The following ROS1 variants were observed in gnomAD, a reference collection of about 807,000 sequenced individuals.
ROS1 encodes proto-oncogene tyrosine-protein kinase ROS.
A neutral mutation model predicts 273.5 loss-of-function variants in ROS1; 263 were observed. The ratio of observed to expected loss-of-function variants is 0.96; its 90% confidence interval spans 0.87 to 1.06. The LOEUF is 1.06. Among genes scored for constraint, ROS1 ranks in the 50% least tolerant of loss-of-function variants. ROS1 has a pLI of 0.00. For synonymous variants in ROS1, 1,008 were observed against 954.1 expected, an observed-to-expected ratio of 1.06 and a Z score of -1.04; for missense variants, 2,833 against 2,751.1, an observed-to-expected ratio of 1.03 and a Z score of -0.67.
intron 37 of ROS1, 23 bp from the exon 38 acceptor site, chr6:117,318,275 A>G (rs1776058281): frequency 6.3e-7 from 1 of 1,581,318 alleles, no homozygotes; most frequent in African/African-American, 1.3e-5. Flanking sequence ...AAAACAAGTC[A>G]GGAATCAGTA....
chr6:117,352,464 A>AT (rs200157417), intron 27 of ROS1, among the ~76,000 whole-genome samples: 6 of 150,030 alleles, frequency 4.0e-5, no homozygotes, highest in South Asian at 2.1e-4. Context: ...CATCAGTGAC[A>AT]TTTTTTTTAA....
chr6:117,298,168 T>C (rs1000771417), intron 43 of ROS1, among the ~76,000 whole-genome samples: 2 of 144,712 alleles, frequency 1.4e-5, no homozygotes, highest in Admixed American at 6.8e-5. Context: ...AAACAATGTG[T>C]ACACATAGAC....
chr6:117,376,768 A>T (rs962839780), intron 18 of ROS1, among the ~76,000 whole-genome samples: 37 of 152,220 alleles, frequency 2.4e-4, no homozygotes, highest in Non-Finnish European at 4.4e-4. Flanking sequence ...AAGAAAACCT[A>T]AAAAAATGGA....
rs1483811842 is a variant in ROS1, at chr6:117,394,692, T to C, written c.930A>G (p.Leu310=). Residue 310 remains leucine (L), a synonymous_variant, in exon 10 of 44, where the codon CTA becomes CTG. Coordinates refer to ENST00000368507, the MANE Select transcript of ROS1 (RefSeq NM_001378902.1). Reference sequence around the variant, plus strand: ...CTAAATGTTTTAAAGATCTCTTTCTTAGAGAAGTTTTTCTGGATAAAAAGA... The same window carrying C: ...CTAAATGTTTTAAAGATCTCTTTCTCAGAGAAGTTTTTCTGGATAAAAAGA... ...QWLFLSRKTS[L]RKRSLKHLVD... is the part of the protein sequence containing the mutation. The C allele has an allele frequency of 1.9e-6, 3 of 1,612,286 alleles. No individual in the cohort carries two copies. Among genetic ancestry groups the C allele is most frequent in the Non-Finnish European group, 1.7e-6 (2 of 1,178,922 alleles).
chr6:117,389,272 G>A, intron 13 of ROS1, 78 bp downstream of exon 13: 6 of 1,483,388 alleles, frequency 4.0e-6, no homozygotes, highest in Non-Finnish European at 4.5e-6. Flanking sequence ...TCTCAAAATT[G>A]AATCACAACG....
chr6:117,332,705 A>G (rs1198632067), intron 32 of ROS1, among the ~76,000 whole-genome samples: 1 of 152,164 alleles, frequency 6.6e-6, no homozygotes, highest in African/African-American at 2.4e-5. Flanking sequence ...TCAAAACCAC[A>G]CAATTTCCTG....
Position 117,389,784 on chromosome 6 carries a change from C to T in ROS1, c.1352G>A (p.Arg451Gln), listed in dbSNP as rs767371570. 31 of 1,613,966 alleles carry T rather than the reference C, an allele frequency of 1.9e-5. No homozygotes were observed. Among genetic ancestry groups the T allele is most frequent in the South Asian group, 8.8e-5 (8 of 91,086 alleles). ...CACAATACGCACAGCTTCTGCACACCGGCCAGATGGTACAGGAAGGTCTGC... is the reference window on the plus strand; with the variant it reads ...CACAATACGCACAGCTTCTGCACACTGGCCAGATGGTACAGGAAGGTCTGC... ...YRADLPVPSG[R>Q]CAEAVRIVES... Residue 451 changes from arginine (R) to glutamine (Q), a missense_variant, in exon 13 of 44, where the codon CGG becomes CAG. By Grantham distance (43) the Arg-to-Gln change is conservative. Transcript: ENST00000368507.
chr6:117,394,870 T>C (rs749699212), intron 9 of ROS1, 132 bp from the exon 10 acceptor site: 22 of 663,266 alleles, frequency 3.3e-5, no homozygotes, highest in South Asian at 9.1e-5. Flanking sequence ...TTTTCTCTAA[T>C]GGCACTGGAG....
chr6:117,308,758 G>T (rs1220640657), intron 42 of ROS1, 36 bp downstream of exon 42: 3 of 1,597,892 alleles, frequency 1.9e-6, no homozygotes, highest in East Asian at 2.2e-5. Context: ...ACATGTTTTT[G>T]TTTGGGGGAT....
chr6:117,308,675 T>A, intron 42 of ROS1, 119 bp downstream of exon 42: 1 of 904,810 alleles, frequency 1.1e-6, no homozygotes, highest in Non-Finnish European at 1.6e-6. Context: ...ATGTGGGGTA[T>A]ACAATATTTA....
chr6:117,331,289 A>T (rs147981210), intron 32 of ROS1, among the ~76,000 whole-genome samples: 19 of 152,340 alleles, frequency 1.2e-4, no homozygotes, highest in African/African-American at 4.3e-4. Flanking sequence ...ACAAGAAGAG[A>T]GAAAAAAGAA....
chr6:117,333,302 T>A (rs1353895381), intron 32 of ROS1, among the ~76,000 whole-genome samples: 1 of 152,066 alleles, frequency 6.6e-6, no homozygotes, highest in Non-Finnish European at 1.5e-5. Flanking sequence ...AGGAAGAAGT[T>A]GAATCCCTGA....
In ROS1 at chr6:117,288,713, T is replaced by C; in HGVS notation, c.6805A>G (p.Met2269Val). 2 of 1,614,146 alleles carry C rather than the reference T, an allele frequency of 1.2e-6. No individual in the cohort carries two copies. Among genetic ancestry groups the C allele is most frequent in the Non-Finnish European group, 8.5e-7 (1 of 1,179,992 alleles). The part of the protein sequence containing the change: ...ETKNREGLNY[M>V]VLATECGQGE... ...TGGCCACATTCTGTAGCAAGTACCA[T>C]ATAGTTTAACCCTTCTCGGTTCTTC... Residue 2269 changes from methionine (M) to valine (V), a missense_variant, in exon 44 of 44, where the codon ATG becomes GTG. By Grantham distance (21) the Met-to-Val change is conservative. Coordinates refer to ENST00000368507, the MANE Select transcript of ROS1 (RefSeq NM_001378902.1).
chr6:117,319,552 T>C (rs1039262901), intron 37 of ROS1, among the ~76,000 whole-genome samples: 5 of 152,124 alleles, frequency 3.3e-5, no homozygotes, highest in African/African-American at 4.8e-5. Flanking sequence ...TGACCCTTGG[T>C]CTAGTACCTT....
intron 43 of ROS1, chr6:117,299,558 C>T (rs1435275142): frequency 6.6e-6 from 1 of 152,332 alleles, no homozygotes; most frequent in East Asian, 1.9e-4. Flanking sequence ...GTGCAAGTAG[C>T]TCTGCAAGCT....
intron 43 of ROS1, among the ~76,000 whole-genome samples, chr6:117,292,390 T>A (rs936897127): frequency 3.3e-5 from 5 of 152,162 alleles, no homozygotes; most frequent in African/African-American, 1.2e-4. Flanking sequence ...TTGCTTTACC[T>A]CTCTGCAGCA....
At chr6:117,355,202 T>G (rs1443288058) in intron 26 of ROS1, among the ~76,000 whole-genome samples, 1 of 152,192 alleles carries the variant, frequency 6.6e-6, no homozygotes, top group Non-Finnish European at 1.5e-5. Flanking sequence ...CAGAGGAGCA[T>G]AACCACATTT....
At chr6:117,356,398 C>T (rs1179120078) in intron 26 of ROS1, among the ~76,000 whole-genome samples, 1 of 152,160 alleles carries the variant, frequency 6.6e-6, no homozygotes, top group East Asian at 1.9e-4. Context: ...TAAATTGTAG[C>T]TCTATTGTTA....
intron 43 of ROS1, among the ~76,000 whole-genome samples, chr6:117,294,777 G>T (rs1245763120): frequency 1.3e-5 from 2 of 151,962 alleles, no homozygotes; most frequent in Non-Finnish European, 2.9e-5. Context: ...CTCTACAAGG[G>T]AAACTACAAA....
Sources: allele counts gnomAD v4.1 joint callset (sites outside exome capture counted in the v4.1 genomes callset), GRCh38; gene constraint gnomAD v4.1.1; transcripts MANE v1.5; gene names NCBI Gene and HGNC (gene_info 2026-07-23, HGNC 2026-07-21).